Variants in MPDZ observed in about 807,000 individuals in gnomAD.
MPDZ encodes the protein multiple PDZ domain crumbs cell polarity complex component, also known as multiple PDZ domain protein.
MPDZ carries 234 observed loss-of-function variants against 239.1 expected under a neutral mutation model. The ratio of observed to expected loss-of-function variants is 0.98; its 90% confidence interval spans 0.88 to 1.09. MPDZ has a LOEUF of 1.09. MPDZ is among the 50% of genes least tolerant of loss of function. The pLI, the probability that MPDZ is intolerant of heterozygous loss-of-function variation, is 0.00. For synonymous variants in MPDZ, 1,048 were observed against 881.3 expected, an observed-to-expected ratio of 1.19 and a Z score of -3.35; for missense variants, 3,175 against 2,510.0, an observed-to-expected ratio of 1.26 and a Z score of -5.66.
At chr9:13,133,262 G>A (rs1946267926) in intron 32 of MPDZ, among the ~76,000 whole-genome samples, 1 of 152,146 alleles carries the variant, frequency 6.6e-6, no homozygotes, top group South Asian at 2.1e-4. Flanking sequence ...AAACTGAAGT[G>A]TATGGACTTC....
intron 35 of MPDZ, among the ~76,000 whole-genome samples, chr9:13,123,965 T>A (rs996972517): frequency 6.6e-6 from 1 of 152,214 alleles, no homozygotes; most frequent in East Asian, 1.9e-4. Context: ...GAATAGATTA[T>A]GAGAAAAGGG....
Position 13,258,521 on chromosome 9 carries a change from C to T in MPDZ, c.-57-8149G>A, listed in dbSNP as rs556368769. Among the ~76,000 whole-genome samples the T allele has an allele frequency of 8.5e-5, 13 of 152,306 alleles. No individual in the cohort carries two copies. In the South Asian group the frequency reaches 2.7e-3, roughly 32 times the overall value. On this transcript the variant is annotated intron_variant, in intron 1 of 46. Transcript: ENST00000319217. ...AAGCAGACGAAGGCACAGTTGTAGT[C>T]AATTGCAAGTAGTTTTTCATAAATC...
chr9:13,270,541 C>T (rs554462773), intron 1 of MPDZ, among the ~76,000 whole-genome samples: 2 of 150,116 alleles, frequency 1.3e-5, no homozygotes, highest in South Asian at 4.2e-4. Flanking sequence ...AAAGACATGG[C>T]ATATTTTGGA....
intron 22 of MPDZ, chr9:13,165,465 A>G (rs1195521364): frequency 1.2e-5 from 19 of 1,544,408 alleles, no homozygotes; most frequent in Non-Finnish European, 1.7e-5. Context: ...ACAAATGTCA[A>G]TGTCTTGTGC....
Position 13,108,947 on chromosome 9 carries a change from C to T in MPDZ, c.6055G>A (p.Val2019Met). The T allele has an allele frequency of 6.2e-7, 1 of 1,610,528 alleles. No individual in the cohort carries two copies. The highest frequency in any genetic ancestry group is 8.5e-7 in the Non-Finnish European group (1 of 1,177,992). Residue 2019 changes from valine (V) to methionine (M), a missense_variant, in exon 46 of 47, where the codon GTG (valine) becomes ATG (methionine). Physicochemically the swap from Val to Met is conservative, Grantham distance 21. Coordinates refer to ENST00000319217, the MANE Select transcript of MPDZ (RefSeq NM_001378778.1). ...ATTTGCAAGCTTACCTTTGCAAACA[C>T]TGTTTTAACATAAATGGGTAAGTCT... ...HGDLPIYVKT[V>M]FAKGAASEDG... is the part of the protein sequence containing the mutation.
chr9:13,198,733 CTCTCTGTGTGTGTG>C (rs1467881191), intron 12 of MPDZ, among the ~76,000 whole-genome samples: 1,123 of 89,460 alleles, frequency 0.013, 29 homozygotes, highest in African/African-American at 0.026. Flanking sequence ...TTTAATCTCT[CTCTCTGTGTGTGTG>C]TGTGTGTGTG....
chr9:13,161,827 A>G (rs1950526939), intron 23 of MPDZ, among the ~76,000 whole-genome samples: 2 of 152,182 alleles, frequency 1.3e-5, no homozygotes, highest in African/African-American at 4.8e-5. Context: ...AAGAAAAAAG[A>G]AAACGTTCCC....
intron 37 of MPDZ, 76 bp downstream of exon 37, chr9:13,122,011 G>A: frequency 6.3e-7 from 1 of 1,599,146 alleles, no homozygotes; most frequent in East Asian, 2.2e-5. Flanking sequence ...GAGAGAGAAA[G>A]AAGCAAAGAA....
intron 41 of MPDZ, 119 bp downstream of exon 41, chr9:13,113,812 T>C (rs1278493982): frequency 1.0e-5 from 8 of 761,998 alleles, no homozygotes; most frequent in South Asian, 5.2e-5. Context: ...CGTGTTTTTG[T>C]ACCTATATTT....
At chr9:13,230,802 T>C (rs1356287059) in intron 3 of MPDZ, among the ~76,000 whole-genome samples, 3 of 151,974 alleles carry the variant, frequency 2.0e-5, no homozygotes, top group African/African-American at 7.2e-5. Flanking sequence ...TTTAACTGAA[T>C]GATAATGAAG....
intron 3 of MPDZ, among the ~76,000 whole-genome samples, chr9:13,231,866 A>C (rs894327055): frequency 2.0e-5 from 3 of 152,188 alleles, no homozygotes; most frequent in Admixed American, 2.0e-4. Context: ...ACTCAATTCA[A>C]AGATACTTAA....
chr9:13,272,840 T>C (rs941328100), intron 1 of MPDZ, among the ~76,000 whole-genome samples: 1 of 152,048 alleles, frequency 6.6e-6, no homozygotes, highest in Non-Finnish European at 1.5e-5. Context: ...ATAAGCTTTA[T>C]GAAATTTACC....
chr9:13,126,426 A>C lies in MPDZ; in HGVS notation c.4632+90T>G, dbSNP rs1945123698. The C allele has an allele frequency of 3.7e-6, 3 of 804,662 alleles. No individual in the cohort carries two copies. In the South Asian group the frequency reaches 5.5e-5, roughly 15 times the overall value. 49.8% of individuals were successfully genotyped at this position (804,662 alleles called of 1,614,324 possible). On this transcript the variant is annotated intron_variant, in intron 34 of 46. Transcript: ENST00000319217. ...AGAACATGTCTAATACAGCTACATA[A>C]CCCTAATTCTCTATGATCGCAGACA... is the stretch of plus-strand genomic sequence containing the variant.
At chr9:13,260,946 A>G (rs1970549527) in intron 1 of MPDZ, among the ~76,000 whole-genome samples, 1 of 152,200 alleles carries the variant, frequency 6.6e-6, no homozygotes, top group Admixed American at 6.5e-5. Context: ...GGACTATGCT[A>G]TCATGTACTA....
At chr9:13,137,464 A>C (rs765455484) in intron 29 of MPDZ, among the ~76,000 whole-genome samples, 1 of 152,134 alleles carries the variant, frequency 6.6e-6, no homozygotes, top group African/African-American at 2.4e-5. Flanking sequence ...CAAGCAAATA[A>C]AATTCTAAAC....
At chr9:13,133,500 G>C (rs761080396) in intron 32 of MPDZ, among the ~76,000 whole-genome samples, 2 of 152,076 alleles carry the variant, frequency 1.3e-5, no homozygotes, top group Non-Finnish European at 2.9e-5. Context: ...CTTAGTGAAG[G>C]AATCAATGGA....
chr9:13,165,226 A>G (rs1442683830), intron 22 of MPDZ: 1 of 827,762 alleles, frequency 1.2e-6, no homozygotes, highest in South Asian at 2.2e-5. Flanking sequence ...TTACTTAAAC[A>G]AAGAAAACAA....
At chr9:13,163,641 A>G (rs1421136760) in intron 22 of MPDZ, among the ~76,000 whole-genome samples, 4 of 152,176 alleles carry the variant, frequency 2.6e-5, no homozygotes, top group Non-Finnish European at 4.4e-5. Flanking sequence ...AATGAATAGT[A>G]ACATAAGAGA....
rs2134950415 is a variant in MPDZ at position 13,190,277 on chromosome 9, A to C, written c.1991T>G (p.Phe664Cys). The change falls in exon 16 of 47, where the codon TTC (phenylalanine) becomes TGC (cysteine). Residue 664 changes from phenylalanine to cysteine, a missense_variant. Physicochemically the swap from Phe to Cys is radical, Grantham distance 205. Coordinates refer to ENST00000319217, the MANE Select transcript of MPDZ (RefSeq NM_001378778.1). ...TEKPHVDLGE[F>C]IGSSETEDPV... ...ATCCTCTGTCTCTGATGACCCGATG[A>C]ACTCACCTAGATCTACGTGAGGCTG... 1 of 1,603,346 alleles carries C rather than the reference A, an allele frequency of 6.2e-7. No homozygotes were observed. The highest frequency in any genetic ancestry group is 2.2e-5 in the East Asian group (1 of 44,646).
Sources: gnomAD v4.1 joint callset for allele counts (sites outside exome capture counted in the v4.1 genomes callset) on GRCh38, gnomAD v4.1.1 for gene constraint, MANE v1.5 for transcripts, NCBI Gene and HGNC (gene_info 2026-07-23, HGNC 2026-07-21) for gene names.